NAV3: variants seen among roughly 807,000 people sequenced by gnomAD.
The protein encoded by NAV3 is pore membrane and/or filament interacting like protein 1.
In NAV3, 87 loss-of-function variants were observed where a neutral mutation model predicts 244.7. The ratio of observed to expected loss-of-function variants is 0.36; its 90% CI spans 0.30 to 0.42. NAV3 has a LOEUF of 0.42. Ranked by LOEUF, NAV3 falls within the 20% of genes least tolerant of loss-of-function variation. The pLI is 1.00. For synonymous variants in NAV3, 1,126 were observed against 1,042.2 expected, an observed-to-expected ratio of 1.08 and a Z score of -1.55; for missense variants, 2,663 against 2,893.3, an observed-to-expected ratio of 0.92 and a Z score of 1.83.
At chr12:77,981,829 T>A (rs966749612) in intron 5 of NAV3, among the ~76,000 whole-genome samples, 39 of 152,086 alleles carry the variant, frequency 2.6e-4, no homozygotes, top group Non-Finnish European at 7.4e-5. Flanking sequence ...AAGAAACAAA[T>A]GTGATATCAT....
chr12:77,869,478 C>T (rs550652449), intron 1 of NAV3, among the ~76,000 whole-genome samples: 11 of 152,296 alleles, frequency 7.2e-5, no homozygotes, highest in African/African-American at 1.7e-4. Flanking sequence ...TGTCTTAATG[C>T]ATATGACCCT....
At chr12:77,616,575 T>A (rs192714363) in intron 2 of NAV3, among the ~76,000 whole-genome samples, 1 of 152,016 alleles carries the variant, frequency 6.6e-6, no homozygotes, top group African/African-American at 2.4e-5. Context: ...AGTTTACAGG[T>A]GAGGAAATTG....
chr12:78,045,101 T>A (rs1881539603), intron 9 of NAV3, among the ~76,000 whole-genome samples: 1 of 152,158 alleles, frequency 6.6e-6, no homozygotes, highest in African/African-American at 2.4e-5. Flanking sequence ...TGAGATACAT[T>A]CCATAAATAT....
chr12:77,898,145 AAACACTAGAT>A (rs1319521739), intron 1 of NAV3, among the ~76,000 whole-genome samples: 1 of 152,234 alleles, frequency 6.6e-6, no homozygotes, highest in Non-Finnish European at 1.5e-5. Context: ...ACACTTGAAC[AAACACTAGAT>A]TTTTGGCATT....
intron 2 of NAV3, among the ~76,000 whole-genome samples, chr12:77,744,730 G>T (rs1868448187): frequency 6.6e-6 from 1 of 151,552 alleles, no homozygotes; most frequent in African/African-American, 2.4e-5. Flanking sequence ...GTTCTAGATA[G>T]GTTCTTTGCC....
intron 2 of NAV3, among the ~76,000 whole-genome samples, chr12:77,742,856 C>G (rs955322839): frequency 2.0e-5 from 3 of 151,924 alleles, no homozygotes; most frequent in African/African-American, 7.2e-5. Flanking sequence ...ATTCATCTCT[C>G]CAGTCAATTG....
chr12:77,597,510 T>C (rs1412180616), intron 2 of NAV3, among the ~76,000 whole-genome samples: 1 of 152,102 alleles, frequency 6.6e-6, no homozygotes, highest in Non-Finnish European at 1.5e-5. Context: ...AGATTTTTGC[T>C]AGCATATTAA....
intron 2 of NAV3, among the ~76,000 whole-genome samples, chr12:77,681,601 TA>T (rs1459236154): frequency 1.3e-5 from 2 of 152,200 alleles, no homozygotes; most frequent in Non-Finnish European, 2.9e-5. Context: ...GCAGTGTTAA[TA>T]ATCAACTGTT....
At chr12:77,705,239 C>CATATTTCACCT (rs1555196507) in intron 2 of NAV3, among the ~76,000 whole-genome samples, 7 of 151,574 alleles carry the variant, frequency 4.6e-5, no homozygotes, top group Non-Finnish European at 5.9e-5. Context: ...GCCAACATAG[C>CATATTTCACCT]GAAACCCTGT....
chr12:77,599,661 CT>C (rs202021200), intron 2 of NAV3, among the ~76,000 whole-genome samples: 12 of 151,352 alleles, frequency 7.9e-5, no homozygotes, highest in Middle Eastern at 6.8e-3. Flanking sequence ...TTTTCAAACC[CT>C]TTTTTTTATC....
At position 78,153,198 on chromosome 12, in the gene NAV3, C is replaced by T. The variant is rs117847832; in HGVS notation, c.4785+4279C>T. 2.5e-4 allele frequency among the ~76,000 whole-genome samples: 38 copies of T among 152,056 alleles called. No homozygotes were observed. The East Asian group carries it at 6.0e-3, about 24-fold the overall frequency. On this transcript the variant is annotated intron_variant, in intron 22 of 39. Coordinates refer to ENST00000397909, the MANE Select transcript of NAV3 (RefSeq NM_001024383.2). The stretch of plus-strand genomic sequence containing the variant: ...ATGCATCTATGTCTCTGTTAAAATG[C>T]ATTTCTTTCCCTTTGCCCAAATGGG...
At chr12:78,096,930 T>C (rs1034541714) in intron 12 of NAV3, among the ~76,000 whole-genome samples, 1 of 152,192 alleles carries the variant, frequency 6.6e-6, no homozygotes, top group Non-Finnish European at 1.5e-5. Flanking sequence ...GTCCTGACCC[T>C]TTCTGTGCAT....
chr12:77,692,576 T>C (rs1875085599), intron 2 of NAV3, among the ~76,000 whole-genome samples: 1 of 152,092 alleles, frequency 6.6e-6, no homozygotes, highest in African/African-American at 2.4e-5. Context: ...TAAAATCTCC[T>C]TGTCTTTACC....
At chr12:77,795,608 G>A (rs1871371002) in intron 2 of NAV3, among the ~76,000 whole-genome samples, 1 of 152,046 alleles carries the variant, frequency 6.6e-6, no homozygotes, top group East Asian at 1.9e-4. Context: ...TAAGTACATT[G>A]AAATAGTCTT....
At chr12:77,986,438 G>A (rs112313618) in intron 5 of NAV3, among the ~76,000 whole-genome samples, 6 of 152,190 alleles carry the variant, frequency 3.9e-5, no homozygotes, top group South Asian at 2.1e-4. Context: ...ATAAGCATAA[G>A]TTGAAACAAT....
chr12:77,749,961 C>A (rs1485008554), intron 2 of NAV3, among the ~76,000 whole-genome samples: 1 of 152,136 alleles, frequency 6.6e-6, no homozygotes, highest in Non-Finnish European at 1.5e-5. Context: ...GCAGCTGCTG[C>A]TAGAGAGATA....
At chr12:77,922,008 C>A (rs1373813375) in intron 1 of NAV3, among the ~76,000 whole-genome samples, 1 of 152,108 alleles carries the variant, frequency 6.6e-6, no homozygotes, top group African/African-American at 2.4e-5. Flanking sequence ...TATAGGGTAA[C>A]CTTTATGACT....
chr12:78,192,309 A>G lies in NAV3; in HGVS notation c.6291+2090A>G, dbSNP rs534618488. On this transcript the variant is annotated intron_variant, in intron 34 of 39. Transcript: ENST00000397909. ...TCATTGCAAAATAATGGGCAGGGGA[A>G]AAGCATTGCCAAGCATTGGCAGAGC... is the stretch of plus-strand genomic sequence containing the variant. Among the ~76,000 whole-genome samples, 6 of 152,252 alleles carry G rather than the reference A, an allele frequency of 3.9e-5. No individual in the cohort carries two copies. The South Asian group carries it at 8.3e-4, about 21-fold the overall frequency.
At chr12:77,816,233 A>T (rs972568724) in intron 2 of NAV3, among the ~76,000 whole-genome samples, 3 of 152,226 alleles carry the variant, frequency 2.0e-5, no homozygotes, top group Non-Finnish European at 2.9e-5. Flanking sequence ...ATGATGGATT[A>T]ATCCATAGTT....
Sources: allele counts gnomAD v4.1 joint callset (sites outside exome capture counted in the v4.1 genomes callset), GRCh38; gene constraint gnomAD v4.1.1; transcripts MANE v1.5; gene names NCBI Gene and HGNC (gene_info 2026-07-23, HGNC 2026-07-21).